Variants in TOR1AIP2 observed in about 807,000 individuals in gnomAD.
The protein encoded by TOR1AIP2 is torsin 1A interacting protein 2, also known as torsin-1A-interacting protein 2.
A neutral mutation model predicts 32.6 loss-of-function variants in TOR1AIP2; 20 were observed. The observed-to-expected ratio is 0.61, with a 90% CI of 0.43 to 0.89. The LOEUF (loss-of-function observed/expected upper bound fraction) is 0.89. Among genes scored for constraint, TOR1AIP2 ranks in the 40% least tolerant of loss-of-function variants. TOR1AIP2 has a pLI of 0.00. For synonymous variants in TOR1AIP2, 214 were observed against 210.8 expected (o/e 1.02, Z -0.13); for missense variants, 456 against 553.8 (o/e 0.82, Z 1.77).
rs1045906360 is a variant in TOR1AIP2 at position 179,841,891 on chromosome 1, T to G, written c.*4180A>C. On this transcript the variant is annotated 3_prime_UTR_variant, in exon 7 of 7. Transcript: ENST00000609928. Reference sequence around the variant, plus strand: ...ATTGTGCTTCCTCTCTTTAATAAAGTATAAATCAAGCAATTAAAAGCTGTG... The same window carrying G: ...ATTGTGCTTCCTCTCTTTAATAAAGGATAAATCAAGCAATTAAAAGCTGTG... The G allele has an allele frequency of 6.6e-6, 1 of 152,206 alleles. No individual in the cohort carries two copies. Among genetic ancestry groups the G allele is most frequent in the Non-Finnish European group, 1.5e-5 (1 of 68,044 alleles). The allele number at this position is 152,206 out of a possible 1,614,324, so 9.4% of individuals were successfully genotyped here.
intron 2 of TOR1AIP2, chr1:179,875,345 A>G (rs1184103516): frequency 1.3e-5 from 2 of 152,230 alleles, no homozygotes; most frequent in Admixed American, 6.5e-5. Flanking sequence ...ACAAAATGGA[A>G]TAATAGTACT....
chr1:179,861,059 A>G (rs1696511503), intron 3 of TOR1AIP2: 1 of 985,302 alleles, frequency 1.0e-6, no homozygotes, highest in African/African-American at 1.7e-5. Flanking sequence ...GCATGTTTCC[A>G]TTAACCTTTT....
intron 2 of TOR1AIP2, chr1:179,867,705 CTA>C (rs1696839675): frequency 6.6e-6 from 1 of 152,168 alleles, no homozygotes; most frequent in South Asian, 2.1e-4. Context: ...CCAGAGGACT[CTA>C]TTGGTAGGAG....
Position 179,846,781 on chromosome 1 carries a change from C to T in TOR1AIP2, c.703G>A (p.Val235Met), listed in dbSNP as rs199675664. 1.4e-5 allele frequency: 22 copies of T among 1,611,480 alleles called. No individual in the cohort carries two copies. The African/African-American group carries it at 2.1e-4, about 16-fold the overall frequency. Residue 235 changes from valine to methionine, a missense_variant, in exon 7 of 7, where the codon GTG (valine) becomes ATG (methionine). Coordinates refer to ENST00000609928, the MANE Select transcript of TOR1AIP2 (RefSeq NM_001199260.2). The part of the protein sequence containing the change: ...VLVVAVVASS[V>M]NSYYSSPAQQ... The stretch of plus-strand genomic sequence containing the variant: ...GCTGGAGAGGAATAGTAGCTATTCA[C>T]AGAACTTGCCACAACAGCCACAACC...
rs949333479 is a variant in TOR1AIP2, at chr1:179,840,418, A to G, written c.*5653T>C. ...ATGTAACTGCGCTTAGCCAAAGGCA[A>G]ATTTAGTTTATAAGCCTCAGTGAGG... On this transcript the variant is annotated 3_prime_UTR_variant, in exon 7 of 7. Coordinates refer to ENST00000609928, the MANE Select transcript of TOR1AIP2 (RefSeq NM_001199260.2). 8 of 152,190 alleles carry G rather than the reference A, an allele frequency of 5.3e-5. No individual in the cohort carries two copies. The highest frequency in any genetic ancestry group is 1.9e-4 in the African/African-American group (8 of 41,440). 9.4% of individuals were successfully genotyped at this position (152,190 alleles called of 1,614,324 possible). A position where few individuals can be genotyped will look rare whatever the true frequency, so the allele number is the denominator to read the frequency against.
intron 2 of TOR1AIP2, among the ~76,000 whole-genome samples, chr1:179,871,411 A>C (rs1410119105): frequency 1.3e-5 from 2 of 152,266 alleles, no homozygotes; most frequent in Non-Finnish European, 2.9e-5. Context: ...ACTGAAATTT[A>C]CATCAACTAA....
rs1037085242 is a variant in TOR1AIP2, at chr1:179,847,557, A to G, written c.633T>C (p.Asn211=). ...CACCATAGCTCCAAAAACCCTTTTTATTAATCTGTCTCATGGTGTCCTGTG... is the reference window on the plus strand; with the variant it reads ...CACCATAGCTCCAAAAACCCTTTTTGTTAATCTGTCTCATGGTGTCCTGTG... ...ENAQDTMRQI[N]KKGFWSYGPV... The change falls in exon 6 of 7, where the codon AAT becomes AAC. Residue 211 remains asparagine, a synonymous_variant. Transcript: ENST00000609928. 39 of 1,613,914 alleles carry G rather than the reference A, an allele frequency of 2.4e-5. No homozygotes were observed. Among genetic ancestry groups the G allele is most frequent in the Non-Finnish European group, 3.3e-5 (39 of 1,179,896 alleles).
intron 3 of TOR1AIP2, chr1:179,864,351 T>C (rs1696679571): frequency 2.0e-6 from 2 of 986,582 alleles, no homozygotes; most frequent in Middle Eastern, 5.2e-4. Context: ...CTTATTAAAA[T>C]TCACTGGACT....
At chr1:179,864,549 C>A in intron 3 of TOR1AIP2, 10 of 1,249,296 alleles carry the variant, frequency 8.0e-6, no homozygotes, top group Non-Finnish European at 1.0e-5. Flanking sequence ...TACGGATTAG[C>A]CTCAGTCTAG....
rs1453060557 is a variant in TOR1AIP2 at position 179,865,456 on chromosome 1, T to C, written c.-167A>G. 1.7e-5 allele frequency: 6 copies of C among 359,006 alleles called. No individual in the cohort carries two copies. Among genetic ancestry groups the C allele is most frequent in the South Asian group, 8.1e-5 (1 of 12,350 alleles). 22.2% of individuals were successfully genotyped at this position (359,006 alleles called of 1,614,324 possible). On this transcript the variant is annotated 5_prime_UTR_variant, in exon 3 of 7. Transcript: ENST00000609928. ...CTTACTAGCAGTACAGATCTCAGGA[T>C]AGCTCCTTCAAATCCCAGCTTCTCA... is the stretch of plus-strand genomic sequence containing the variant.
intron 2 of TOR1AIP2, among the ~76,000 whole-genome samples, chr1:179,873,446 T>C (rs1470798494): frequency 1.3e-5 from 2 of 152,254 alleles, no homozygotes; most frequent in Non-Finnish European, 2.9e-5. Context: ...GAAATGCCGC[T>C]GTGTCCTTCT....
Position 179,851,054 on chromosome 1 carries a change from G to A in TOR1AIP2, c.344C>T (p.Pro115Leu), listed in dbSNP as rs1268760188. 4.3e-6 allele frequency: 7 copies of A among 1,614,172 alleles called. No homozygotes were observed. Among genetic ancestry groups the A allele is most frequent in the African/African-American group, 2.7e-5 (2 of 75,046 alleles). ...GTCACTTGGAGAATGGCTGGGATCT[G>A]GATCCAAGGGTTCTTTACCCAGATT... The part of the protein sequence containing the change: ...SENLGKEPLD[P>L]DPSHSPSDKV... Residue 115 changes from proline to leucine, a missense_variant, in exon 5 of 7, where the codon CCA becomes CTA. Pro to Leu is a moderately conservative substitution (Grantham distance 98). Transcript: ENST00000609928.
rs1571690122 is a variant in TOR1AIP2, at chr1:179,865,292, A to C, written c.-147+144T>G. The C allele has an allele frequency of 3.8e-6, 5 of 1,332,636 alleles. No individual in the cohort carries two copies. In the East Asian group the frequency reaches 1.2e-4, roughly 32 times the overall value. 82.6% of individuals were successfully genotyped at this position (1,332,636 alleles called of 1,614,324 possible). ...TTTCGTTTACCAATTTCTTAGTTCA[A>C]CCAATATTATTTGGAGAGCCAAATA... On this transcript the variant is annotated intron_variant, in intron 3 of 6. Coordinates refer to ENST00000609928, the MANE Select transcript of TOR1AIP2 (RefSeq NM_001199260.2).
chr1:179,859,522 A>G (rs1696431816), intron 3 of TOR1AIP2: 1 of 985,290 alleles, frequency 1.0e-6, no homozygotes, highest in Non-Finnish European at 1.2e-6. Flanking sequence ...ATATGACCTG[A>G]GTGAATTTGT....
intron 3 of TOR1AIP2, among the ~76,000 whole-genome samples, chr1:179,858,537 T>C (rs1026823122): frequency 2.0e-5 from 3 of 152,330 alleles, no homozygotes; most frequent in Admixed American, 2.0e-4. Context: ...GTATGTTTGA[T>C]GTAGTTACTG....
At position 179,850,915 on chromosome 1, in the gene TOR1AIP2, G is replaced by A; in HGVS notation, c.483C>T (p.Ala161=). The A allele has an allele frequency of 6.2e-7, 1 of 1,614,110 alleles. No homozygotes were observed. The highest frequency in any genetic ancestry group is 1.3e-5 in the African/African-American group (1 of 75,020). Residue 161 remains alanine, a synonymous_variant, in exon 5 of 7, where the codon GCC becomes GCT. Transcript: ENST00000609928. The part of the protein sequence containing the change: ...QEPPTTDSQE[A]QSPGHSSAGQ... ...CTGCACTGGAATGACCAGGACTCTGGGCCTCCTGGGAGTCTGTAGTAGGTG... is the reference window on the plus strand; with the variant it reads ...CTGCACTGGAATGACCAGGACTCTGAGCCTCCTGGGAGTCTGTAGTAGGTG...
intron 3 of TOR1AIP2, chr1:179,864,467 C>T: frequency 9.3e-7 from 1 of 1,075,440 alleles, no homozygotes; most frequent in Non-Finnish European, 1.1e-6. Context: ...ACTACTTTGT[C>T]ATATGACACT....
chr1:179,849,382 G>C (rs115779825), intron 5 of TOR1AIP2, among the ~76,000 whole-genome samples: 72 of 152,014 alleles, frequency 4.7e-4, no homozygotes, highest in African/African-American at 1.5e-3. Flanking sequence ...GAGGACTATA[G>C]GTGCATGCAG....
At chr1:179,869,225 C>T (rs1696919792) in intron 2 of TOR1AIP2, 1 of 152,176 alleles carries the variant, frequency 6.6e-6, no homozygotes, top group Admixed American at 6.6e-5. Flanking sequence ...ATCCGCCCGC[C>T]TCAGCCTCCC....
Sources: gnomAD v4.1 joint callset for allele counts (sites outside exome capture counted in the v4.1 genomes callset) on GRCh38, gnomAD v4.1.1 for gene constraint, MANE v1.5 for transcripts, NCBI Gene and HGNC (gene_info 2026-07-23, HGNC 2026-07-21) for gene names.